Variants in PRKAR2A observed in about 807,000 individuals in gnomAD.
PRKAR2A encodes the protein protein kinase cAMP-dependent type II regulatory subunit alpha.
A neutral mutation model predicts 51.9 loss-of-function variants in PRKAR2A; 29 were observed. That is an observed-to-expected ratio of 0.56 (90% CI 0.42 to 0.76). PRKAR2A has a LOEUF of 0.76. PRKAR2A is among the 30% of genes least tolerant of loss of function. The probability of loss-of-function intolerance (pLI) is 0.00; values close to 1 mark genes in which losing one functional copy is unlikely to be tolerated. For synonymous variants in PRKAR2A, 178 were observed against 186.2 expected, an observed-to-expected ratio of 0.96 and a Z score of 0.36; for missense variants, 445 against 512.1, an observed-to-expected ratio of 0.87 and a Z score of 1.26.
chr3:48,755,870 C>T (rs565155998), intron 9 of PRKAR2A, among the ~76,000 whole-genome samples: 173 of 151,642 alleles, frequency 1.1e-3, no homozygotes, highest in Middle Eastern at 3.4e-3. Context: ...GCTCTGCCTC[C>T]GGTGTTCATG....
intron 4 of PRKAR2A, among the ~76,000 whole-genome samples, chr3:48,787,353 T>C (rs1377062869): frequency 6.6e-6 from 1 of 151,948 alleles, no homozygotes; most frequent in South Asian, 2.1e-4. Context: ...GCCTGGCTAA[T>C]TTTTGTATTT....
intron 2 of PRKAR2A, among the ~76,000 whole-genome samples, chr3:48,802,067 G>A (rs1179598332): frequency 2.0e-5 from 3 of 152,016 alleles, no homozygotes; most frequent in Admixed American, 6.6e-5. Flanking sequence ...CTGCCACCAC[G>A]CCCATCTATT....
intron 4 of PRKAR2A, among the ~76,000 whole-genome samples, chr3:48,786,118 G>T (rs931694109): frequency 5.2e-4 from 76 of 146,084 alleles, no homozygotes; most frequent in Admixed American, 1.4e-3. Flanking sequence ...CAGTTTTTTG[G>T]TTTTTTTTTG....
chr3:48,842,949 C>T (rs1216923361), intron 1 of PRKAR2A, among the ~76,000 whole-genome samples: 2 of 152,112 alleles, frequency 1.3e-5, no homozygotes, highest in Non-Finnish European at 1.5e-5. Flanking sequence ...AGGGAGGATT[C>T]CCTCTTTTTC....
At chr3:48,838,265 A>G (rs2083316763) in intron 1 of PRKAR2A, among the ~76,000 whole-genome samples, 1 of 152,100 alleles carries the variant, frequency 6.6e-6, no homozygotes, top group African/African-American at 2.4e-5. Flanking sequence ...AGTAGATTAG[A>G]GGATGCCTAG....
At chr3:48,843,604 A>G (rs1040014641) in intron 1 of PRKAR2A, among the ~76,000 whole-genome samples, 1 of 152,216 alleles carries the variant, frequency 6.6e-6, no homozygotes, top group Non-Finnish European at 1.5e-5. Flanking sequence ...GGCTACAGTA[A>G]CCAAAACAGC....
At chr3:48,768,180 G>C (rs892811002) in intron 6 of PRKAR2A, among the ~76,000 whole-genome samples, 1 of 151,878 alleles carries the variant, frequency 6.6e-6, no homozygotes, top group East Asian at 1.9e-4. Flanking sequence ...TGTGGTCCCA[G>C]TTACTGGGGA....
chr3:48,810,829 A>G (rs1305688870), intron 1 of PRKAR2A, among the ~76,000 whole-genome samples: 1 of 152,164 alleles, frequency 6.6e-6, no homozygotes, highest in Non-Finnish European at 1.5e-5. Context: ...ATATTGGTAC[A>G]GTTATAGTAC....
intron 4 of PRKAR2A, among the ~76,000 whole-genome samples, chr3:48,784,383 T>C (rs1271429207): frequency 2.0e-5 from 3 of 152,210 alleles, no homozygotes; most frequent in Non-Finnish European, 4.4e-5. Flanking sequence ...TCCACGTGCG[T>C]TGAATACTGT....
rs199498651 is a variant in PRKAR2A at position 48,790,578 on chromosome 3, C to T, written c.401G>A (p.Cys134Tyr). Residue 134 changes from cysteine to tyrosine, a missense_variant, in exon 4 of 11, where the codon TGC (cysteine) becomes TAC (tyrosine). Coordinates refer to ENST00000265563, the MANE Select transcript of PRKAR2A (RefSeq NM_004157.4). ...DEQRCRLQEA[C>Y]KDILLFKNLD... ...ATTTTTGAAAAGGAGAATATCTTTG[C>T]AAGCTTCCTGAAGTCTGCATCTCTG... The T allele has an allele frequency of 7.7e-4, 1,188 of 1,545,826 alleles. 19 individuals are homozygous for T. The South Asian group carries it at 0.014, about 19-fold the overall frequency.
At chr3:48,826,691 A>C (rs959141513) in intron 1 of PRKAR2A, among the ~76,000 whole-genome samples, 2 of 152,136 alleles carry the variant, frequency 1.3e-5, no homozygotes, top group African/African-American at 4.8e-5. Flanking sequence ...TCATCTCATT[A>C]ACATAAACTC....
In PRKAR2A at chr3:48,827,720, A is replaced by T. The variant is rs2083093293; in HGVS notation, c.262+19615T>A. ...GGGTGTAGTCAGTGAGTGAGTGGTA[A>T]GTGAATGTGAAGGTCTAGGACACTA... On this transcript the variant is annotated intron_variant, in intron 1 of 10. Coordinates refer to ENST00000265563, the MANE Select transcript of PRKAR2A (RefSeq NM_004157.4). Among the ~76,000 whole-genome samples, 3 of 152,200 alleles carry T rather than the reference A, an allele frequency of 2.0e-5. No homozygotes were observed. In the South Asian group the frequency reaches 6.2e-4, roughly 31 times the overall value.
In PRKAR2A at chr3:48,764,942, A is replaced by C. The variant is rs2081916799; in HGVS notation, c.873+62T>G. Reference sequence around the variant, plus strand: ...GTCCGGCAAGAAGTTTTTGAGATAAATGATGTACTAGTTCTTCAGGGGTGA... The same window carrying C: ...GTCCGGCAAGAAGTTTTTGAGATAACTGATGTACTAGTTCTTCAGGGGTGA... On this transcript the variant is annotated intron_variant, in intron 8 of 10. Coordinates refer to ENST00000265563, the MANE Select transcript of PRKAR2A (RefSeq NM_004157.4). The C allele has an allele frequency of 4.1e-6, 6 of 1,457,282 alleles. No homozygotes were observed. In the Middle Eastern group the frequency reaches 8.7e-4, roughly 212 times the overall value. 90.3% of individuals were successfully genotyped at this position (1,457,282 alleles called of 1,614,324 possible).
At chr3:48,839,401 A>G (rs1160995885) in intron 1 of PRKAR2A, among the ~76,000 whole-genome samples, 59 of 135,510 alleles carry the variant, frequency 4.4e-4, no homozygotes, top group Non-Finnish European at 4.4e-4. Context: ...GCTGTTACCT[A>G]AAAAAAAAAA....
rs542712639 is a variant in PRKAR2A at position 48,768,255 on chromosome 3, C to T, written c.697-2906G>A. ...GTTGCAGTGAGGTGTGAGAGCACCA[C>T]TGCACTCCAGCCTGGCCAACAGAGT... On this transcript the variant is annotated intron_variant, in intron 6 of 10. Coordinates refer to ENST00000265563, the MANE Select transcript of PRKAR2A (RefSeq NM_004157.4). Among the ~76,000 whole-genome samples the T allele has an allele frequency of 4.6e-5, 7 of 151,812 alleles. No homozygotes were observed. In the South Asian group the frequency reaches 8.3e-4, roughly 18 times the overall value.
Position 48,847,261 on chromosome 3 carries a change from C to T in PRKAR2A, c.262+74G>A. ...CGGTCGGCTTGGCTGCGGCGCGACACCTGGCTCCCTGCCACCCCTCTAGAC... is the reference window on the plus strand; with the variant it reads ...CGGTCGGCTTGGCTGCGGCGCGACATCTGGCTCCCTGCCACCCCTCTAGAC... On this transcript the variant is annotated intron_variant, in intron 1 of 10. Coordinates refer to ENST00000265563, the MANE Select transcript of PRKAR2A (RefSeq NM_004157.4). This position sits in a 1 kb window ranked among gnomAD's most constrained non-coding sequence, Gnocchi z 4.4. 1.3e-6 allele frequency: 2 copies of T among 1,530,632 alleles called. No homozygotes were observed. The highest frequency in any genetic ancestry group is 3.9e-5 in the Admixed American group (2 of 51,260). The allele number at this position is 1,530,632 out of a possible 1,614,324, so 94.8% of individuals were successfully genotyped here. A position where few individuals can be genotyped will look rare whatever the true frequency, so the allele number is the denominator to read the frequency against.
intron 5 of PRKAR2A, among the ~76,000 whole-genome samples, chr3:48,780,944 C>A (rs1447327886): frequency 6.6e-6 from 1 of 151,926 alleles, no homozygotes; most frequent in African/African-American, 2.4e-5. Flanking sequence ...GATAAAGGGG[C>A]ATTATATGTG....
At chr3:48,835,452 T>C (rs1160860230) in intron 1 of PRKAR2A, among the ~76,000 whole-genome samples, 1 of 151,766 alleles carries the variant, frequency 6.6e-6, no homozygotes, top group Non-Finnish European at 1.5e-5. Context: ...CCATCCTGGC[T>C]AACACGGTGA....
intron 1 of PRKAR2A, among the ~76,000 whole-genome samples, chr3:48,829,872 T>TATATATATATATATATA (rs1491401730): frequency 8.4e-5 from 5 of 59,688 alleles, no homozygotes; most frequent in East Asian, 1.1e-3. Flanking sequence ...TATATATATA[T>TATATATATATATATATA]TTTTTTTTTT....
Sources: allele counts gnomAD v4.1 joint callset (sites outside exome capture counted in the v4.1 genomes callset), GRCh38; gene constraint gnomAD v4.1.1; non-coding constraint Gnocchi (gnomAD v3.1); transcripts MANE v1.5; gene names NCBI Gene and HGNC (gene_info 2026-07-23, HGNC 2026-07-21).